The following DIS3L variants were observed in gnomAD, a reference collection of about 807,000 sequenced individuals.
DIS3L encodes DIS3 like exosome 3'-5' exoribonuclease.
A neutral mutation model predicts 120.3 loss-of-function variants in DIS3L; 100 were observed. That is an observed-to-expected ratio of 0.83 (90% CI 0.71 to 0.98). DIS3L has a LOEUF of 0.98. Among genes scored for constraint, DIS3L ranks in the 50% least tolerant of loss-of-function variants. The probability of loss-of-function intolerance (pLI) is 0.00; values close to 1 mark genes in which losing one functional copy is unlikely to be tolerated. For synonymous variants in DIS3L, 426 were observed against 470.6 expected (o/e 0.91, Z 1.23); for missense variants, 1,196 against 1,314.2 (o/e 0.91, Z 1.39).
At chr15:66,306,560 G>A (rs2092704418) in intron 2 of DIS3L, among the ~76,000 whole-genome samples, 1 of 152,160 alleles carries the variant, frequency 6.6e-6, no homozygotes, top group Non-Finnish European at 1.5e-5. Context: ...AGTCTCTGAA[G>A]GGGAAAGGAG....
chr15:66,329,564 G>A, intron 14 of DIS3L, 165 bp downstream of exon 14: 2 of 1,317,562 alleles, frequency 1.5e-6, no homozygotes, highest in Non-Finnish European at 1.9e-6. Context: ...GTAACTTGTG[G>A]ATTTGGGAGA....
At chr15:66,293,794 G>T in intron 1 of DIS3L, 59 bp downstream of exon 1, 3 of 1,108,400 alleles carry the variant, frequency 2.7e-6, no homozygotes, top group South Asian at 4.4e-5. Context: ...CGCAGTGAGG[G>T]GCTGAGCGCG....
At position 66,333,110 on chromosome 15, in the gene DIS3L, G is replaced by A. The variant is rs1239344256; in HGVS notation, c.2963G>A (p.Ser988Asn). The change falls in exon 17 of 17, where the codon AGT (serine) becomes AAT (asparagine). Residue 988 changes from serine (S) to asparagine (N), a missense_variant. Physicochemically the swap from Ser to Asn is conservative, Grantham distance 46 (BLOSUM62 1). Transcript: ENST00000319212. ...CCAAATACAGAACTTATTCATCAGA[G>A]TTCCCCCTTGCTGAAGAGTGAGTTA... ...KIPNTELIHQ[S>N]SPLLKSELVK... is the part of the protein sequence containing the mutation. 4.3e-6 allele frequency: 7 copies of A among 1,613,268 alleles called. No individual in the cohort carries two copies. The highest frequency in any genetic ancestry group is 1.3e-5 in the African/African-American group (1 of 74,896).
intron 3 of DIS3L, among the ~76,000 whole-genome samples, chr15:66,307,320 G>A (rs918457273): frequency 1.3e-5 from 2 of 151,488 alleles, no homozygotes; most frequent in African/African-American, 4.9e-5. Context: ...TTTGAGACAG[G>A]GTTTTTTGCT....
intron 5 of DIS3L, 152 bp from the exon 6 acceptor site, chr15:66,313,887 G>GTGTGTA (rs1555402606): frequency 4.7e-6 from 2 of 429,550 alleles, no homozygotes; most frequent in African/African-American, 4.3e-5. Context: ...ATATGTGTGT[G>GTGTGTA]TATATATATA....
At chr15:66,294,871 A>T (rs2092568434) in intron 1 of DIS3L, 117 bp from the exon 2 acceptor site, 1 of 1,089,168 alleles carries the variant, frequency 9.2e-7, no homozygotes, top group Non-Finnish European at 1.3e-6. Flanking sequence ...GTCTTTTAAA[A>T]ACTCCCACCA....
At chr15:66,304,640 C>T (rs1008503224) in intron 2 of DIS3L, among the ~76,000 whole-genome samples, 2 of 152,062 alleles carry the variant, frequency 1.3e-5, no homozygotes, top group Admixed American at 6.5e-5. Flanking sequence ...ACGGCTTATG[C>T]CTATAATCCC....
At position 66,314,172 on chromosome 15, in the gene DIS3L, A is replaced by G. The variant is rs2092793661; in HGVS notation, c.814+55A>G. 5 of 1,342,894 alleles carry G rather than the reference A, an allele frequency of 3.7e-6. No individual in the cohort carries two copies. The African/African-American group carries it at 6.1e-5, about 17-fold the overall frequency. 83.2% of individuals were successfully genotyped at this position (1,342,894 alleles called of 1,614,324 possible). A position where few individuals can be genotyped will look rare whatever the true frequency, so the allele number is the denominator to read the frequency against. ...TACTCCTTTTTTATTCTGACGTTAT[A>G]CAATGAAGAAAGCAAAGTTGAAATT... On this transcript the variant is annotated intron_variant, in intron 6 of 16. Coordinates refer to ENST00000319212, the MANE Select transcript of DIS3L (RefSeq NM_001143688.3).
Position 66,308,700 on chromosome 15 carries a change from C to G in DIS3L, c.423-9C>G, listed in dbSNP as rs1226712646. On this transcript the variant is annotated splice_polypyrimidine_tract_variant and intron_variant, in intron 3 of 16. Transcript: ENST00000319212. The stretch of plus-strand genomic sequence containing the variant: ...CTGGGGAGAGCTCATGTGCCCTTTG[C>G]TTTTCCAGGAGCATATACAACGCAG... 2 of 1,605,114 alleles carry G rather than the reference C, an allele frequency of 1.2e-6. No individual in the cohort carries two copies. The highest frequency in any genetic ancestry group is 1.7e-5 in the Admixed American group (1 of 59,412).
chr15:66,326,244 A>C lies in DIS3L; in HGVS notation c.2081A>C (p.Lys694Thr), dbSNP rs1014980600. The C allele has an allele frequency of 6.2e-7, 1 of 1,614,178 alleles. No individual in the cohort carries two copies. The highest frequency in any genetic ancestry group is 1.1e-5 in the South Asian group (1 of 91,084). Reference sequence around the variant, plus strand: ...ATCCTGGCCAACCACTGGGTCGCCAAAAAGATCTGGGAGAGCTTCCCTCAT... The same window carrying C: ...ATCCTGGCCAACCACTGGGTCGCCACAAAGATCTGGGAGAGCTTCCCTCAT... Reference protein sequence around the residue: ...CMILANHWVAKKIWESFPHQA... With the variant: ...CMILANHWVATKIWESFPHQA... The change falls in exon 12 of 17, where the codon AAA (lysine) becomes ACA (threonine). Residue 694 changes from lysine to threonine, a missense_variant. Transcript: ENST00000319212.
intron 1 of DIS3L, 76 bp from the exon 2 acceptor site, chr15:66,294,912 C>A: frequency 1.4e-6 from 2 of 1,417,394 alleles, no homozygotes; most frequent in South Asian, 1.4e-5. Context: ...ATTTTGCATG[C>A]CAGAGCACCG....
Position 66,315,090 on chromosome 15 carries a change from A to G in DIS3L, c.869A>G (p.His290Arg), listed in dbSNP as rs758080730. Residue 290 changes from histidine to arginine, a missense_variant, in exon 7 of 17, where the codon CAT becomes CGT. Physicochemically the swap from His to Arg is conservative, Grantham distance 29. Coordinates refer to ENST00000319212, the MANE Select transcript of DIS3L (RefSeq NM_001143688.3). ...HGMKARNRSI[H>R]GDVVVVELLP... ...ATGAAGGCTCGAAACCGCTCAATTC[A>G]TGGAGATGTGGTAGTTGTGGAGCTG... is the stretch of plus-strand genomic sequence containing the variant. 2.5e-6 allele frequency: 4 copies of G among 1,614,100 alleles called. No homozygotes were observed. Among genetic ancestry groups the G allele is most frequent in the Non-Finnish European group, 3.4e-6 (4 of 1,180,014 alleles).
rs1322444130 is a variant in DIS3L at position 66,332,007 on chromosome 15, C to T, written c.2668C>T (p.Leu890=). 4 of 1,609,160 alleles carry T rather than the reference C, an allele frequency of 2.5e-6. No homozygotes were observed. Among genetic ancestry groups the T allele is most frequent in the South Asian group, 1.1e-5 (1 of 90,536 alleles). Residue 890 remains leucine, a synonymous_variant, in exon 15 of 17, where the codon CTA becomes TTA. Coordinates refer to ENST00000319212, the MANE Select transcript of DIS3L (RefSeq NM_001143688.3). ...TTCAATTAGAACAAATGGTGTGCTT[C>T]TATTTATACCAAGGTATGTTACATC... ...IYSIRTNGVL[L]FIPRFGIKGA...
intron 15 of DIS3L, among the ~76,000 whole-genome samples, chr15:66,332,508 GTGTGTGTATA>G (rs1388623647): frequency 3.6e-5 from 3 of 82,886 alleles, no homozygotes; most frequent in Admixed American, 1.5e-4. Context: ...GTGTGTGTGT[GTGTGTGTATA>G]TATATACACA....
rs766384818 is a variant in DIS3L at position 66,322,694 on chromosome 15, A to T, written c.1334A>T (p.Glu445Val). The change falls in exon 10 of 17, where the codon GAG (glutamate) becomes GTG (valine). Residue 445 changes from glutamate (E) to valine (V), a missense_variant. Glu to Val is a moderately radical substitution (Grantham distance 121, BLOSUM62 -2). Transcript: ENST00000319212. ...VIPFSEAQMCEMPVNTPESPW... is the reference protein window; with the variant it reads ...VIPFSEAQMCVMPVNTPESPW... ...ATTTGGTTTCTCATACAGATGTGTG[A>T]GATGCCAGTAAACACACCAGAAAGT... 1 of 1,614,102 alleles carries T rather than the reference A, an allele frequency of 6.2e-7. No individual in the cohort carries two copies. The highest frequency in any genetic ancestry group is 8.5e-7 in the Non-Finnish European group (1 of 1,179,946).
Position 66,320,483 on chromosome 15 carries a change from ATTGTTTGCCTC to A in DIS3L, c.1165-80_1165-70del, listed in dbSNP as rs1421997595. On this transcript the variant is annotated intron_variant, in intron 8 of 16. Transcript: ENST00000319212. ...CTGGCCACTCTCCTTGGAACCCAGTATTGTTTGCCTCTTGTTTGTTTGATGCCTCTAATTGA... is the reference window on the plus strand; with the variant it reads ...CTGGCCACTCTCCTTGGAACCCAGTATTGTTTGTTTGATGCCTCTAATTGA... The A allele has an allele frequency of 1.7e-5, 25 of 1,439,438 alleles. No homozygotes were observed. In the East Asian group the frequency reaches 6.0e-4, roughly 35 times the overall value. The allele number at this position is 1,439,438 out of a possible 1,614,324, so 89.2% of individuals were successfully genotyped here.
rs375683090 is a variant in DIS3L, at chr15:66,294,968, C to A, written c.140-20C>A. On this transcript the variant is annotated intron_variant, in intron 1 of 16. Coordinates refer to ENST00000319212, the MANE Select transcript of DIS3L (RefSeq NM_001143688.3). ...TTTGAAAACATTGTCTAATCTCTTA[C>A]ATTTTGAATTATGTTTCAGATGGGA... 48 of 1,588,828 alleles carry A rather than the reference C, an allele frequency of 3.0e-5. No homozygotes were observed. Among genetic ancestry groups the A allele is most frequent in the Non-Finnish European group, 3.9e-5 (46 of 1,165,918 alleles).
intron 2 of DIS3L, among the ~76,000 whole-genome samples, chr15:66,303,147 G>A (rs4300590): frequency 0.2 from 29,852 of 152,144 alleles, 3,251 homozygotes; most frequent in Non-Finnish European, 0.24. Flanking sequence ...TGTTGGAACT[G>A]TCTTCCTTTT....
At position 66,293,685 on chromosome 15, in the gene DIS3L, G is replaced by C. The variant is rs1206817109; in HGVS notation, c.89G>C (p.Cys30Ser). 1 of 1,401,230 alleles carries C rather than the reference G, an allele frequency of 7.1e-7. No individual in the cohort carries two copies. Among genetic ancestry groups the C allele is most frequent in the Non-Finnish European group, 9.3e-7 (1 of 1,073,060 alleles). 86.8% of individuals were successfully genotyped at this position (1,401,230 alleles called of 1,614,324 possible). A position where few individuals can be genotyped will look rare whatever the true frequency, so the allele number is the denominator to read the frequency against. Reference protein sequence around the residue: ...RIVREHYLRPCVPCHSPLCPQ... With the variant: ...RIVREHYLRPSVPCHSPLCPQ... ...GTGCGCGAGCACTACCTGCGGCCCTGCGTGCCCTGCCACAGCCCGCTCTGC... is the reference window on the plus strand; with the variant it reads ...GTGCGCGAGCACTACCTGCGGCCCTCCGTGCCCTGCCACAGCCCGCTCTGC... The change falls in exon 1 of 17, where the codon TGC (cysteine) becomes TCC (serine). Residue 30 changes from cysteine to serine, a missense_variant. Cys to Ser is a moderately radical substitution (Grantham distance 112). Coordinates refer to ENST00000319212, the MANE Select transcript of DIS3L (RefSeq NM_001143688.3).
Sources: gnomAD v4.1 joint callset for allele counts (sites outside exome capture counted in the v4.1 genomes callset) on GRCh38, gnomAD v4.1.1 for gene constraint, MANE v1.5 for transcripts, NCBI Gene and HGNC (gene_info 2026-07-23, HGNC 2026-07-21) for gene names.